Variants in RNF144A observed in about 807,000 individuals in gnomAD.
RNF144A encodes the protein E3 ubiquitin-protein ligase RNF144A.
In RNF144A, 11 loss-of-function variants were observed where a neutral mutation model predicts 38.7. The ratio of observed to expected loss-of-function variants is 0.28; its 90% confidence interval spans 0.18 to 0.47. The LOEUF (loss-of-function observed/expected upper bound fraction) is 0.47, where lower values mean the gene tolerates loss of function less well. Among genes scored for constraint, RNF144A ranks in the 20% least tolerant of loss-of-function variants. RNF144A has a pLI of 0.99. For missense variants in RNF144A, 316 were observed against 377.2 expected, an observed-to-expected ratio of 0.84 and a Z score of 1.34; for synonymous variants, 149 against 143.9, an observed-to-expected ratio of 1.04 and a Z score of -0.25.
chr2:7,040,932 T>C lies in RNF144A; in HGVS notation c.*1172T>C. 1 of 985,488 alleles carries C rather than the reference T, an allele frequency of 1.0e-6. No individual in the cohort carries two copies. The highest frequency in any genetic ancestry group is 1.2e-6 in the Non-Finnish European group (1 of 829,940). 61.0% of individuals were successfully genotyped at this position (985,488 alleles called of 1,614,324 possible). A position where few individuals can be genotyped will look rare whatever the true frequency, so the allele number is the denominator to read the frequency against. On this transcript the variant is annotated 3_prime_UTR_variant, in exon 9 of 9. Transcript: ENST00000320892. ...TTAACGTGGGGATTTTACCACTTGA[T>C]CTTTTACAGGGCTGTCTGTGACCAT...
the RNF144A span, among the ~76,000 whole-genome samples, chr2:7,075,281 T>TC: frequency 0.15 from 21,907 of 144,124 alleles, 1,940 homozygotes; most frequent in East Asian, 0.44. Flanking sequence ...AGCTGGAACA[T>TC]CCCCCCCCCC....
intron 5 of RNF144A, among the ~76,000 whole-genome samples, chr2:7,017,099 C>T (rs933312004): frequency 2.6e-5 from 4 of 152,102 alleles, no homozygotes; most frequent in African/African-American, 9.7e-5. Context: ...CCTCTTGCTG[C>T]GTGGACCCCT....
downstream of RNF144A, among the ~76,000 whole-genome samples, chr2:7,071,951 T>C (rs957399150): frequency 1.3e-5 from 2 of 152,202 alleles, no homozygotes; most frequent in Non-Finnish European, 2.9e-5. Context: ...CAGTGTCTGC[T>C]CCTACTCGAC....
chr2:6,955,791 G>T (rs565078493), intron 2 of RNF144A, among the ~76,000 whole-genome samples: 2 of 152,194 alleles, frequency 1.3e-5, no homozygotes, highest in African/African-American at 4.8e-5. Context: ...CATTTTAATG[G>T]CTGTCTTTTG....
In RNF144A at chr2:6,977,911, C is replaced by T. The variant is rs116680777; in HGVS notation, c.-11-19005C>T. 7.0e-3 allele frequency among the ~76,000 whole-genome samples: 1,069 copies of T among 152,172 alleles called. 14 individuals are homozygous for T. Among genetic ancestry groups the T allele is most frequent in the African/African-American group, 0.025 (1,023 of 41,512 alleles). On this transcript the variant is annotated intron_variant, in intron 2 of 8. Coordinates refer to ENST00000320892, the MANE Select transcript of RNF144A (RefSeq NM_014746.6). Reference sequence around the variant, plus strand: ...TGAAAGCATAGATGGTAGTGAGTGTCGGGGGGAGCTGTTGGGGAGTTTGCC... The same window carrying T: ...TGAAAGCATAGATGGTAGTGAGTGTTGGGGGGAGCTGTTGGGGAGTTTGCC...
chr2:6,952,241 G>C (rs1666732018), intron 2 of RNF144A, among the ~76,000 whole-genome samples: 1 of 151,958 alleles, frequency 6.6e-6, no homozygotes. Flanking sequence ...ATACTTCTAA[G>C]AGAAATCTAG....
chr2:7,014,566 C>A lies in RNF144A; in HGVS notation c.240+8C>A. 6.3e-7 allele frequency: 1 copy of A among 1,586,156 alleles called. No individual in the cohort carries two copies. Among genetic ancestry groups the A allele is most frequent in the Non-Finnish European group, 8.6e-7 (1 of 1,162,598 alleles). On this transcript the variant is annotated splice_region_variant and intron_variant, in intron 4 of 8. Transcript: ENST00000320892. The stretch of plus-strand genomic sequence containing the variant: ...CACCTACAGGAGAACGAGGCATGTG[C>A]AATTGAACAGACTGGGCTGTTTGAT...
chr2:6,942,374 G>A (rs147149187), intron 2 of RNF144A, among the ~76,000 whole-genome samples: 301 of 152,004 alleles, frequency 2.0e-3, no homozygotes, highest in East Asian at 8.9e-3. Flanking sequence ...CTCAGAGGAC[G>A]TTGGAGAGGG....
intron 1 of RNF144A, among the ~76,000 whole-genome samples, chr2:6,935,336 C>T (rs1187471948): frequency 6.6e-6 from 1 of 152,216 alleles, no homozygotes; most frequent in Non-Finnish European, 1.5e-5. Context: ...CAGTAACACC[C>T]AGTTCTTCTA....
chr2:6,965,375 C>T (rs1437252723), intron 2 of RNF144A, among the ~76,000 whole-genome samples: 2 of 152,174 alleles, frequency 1.3e-5, no homozygotes, highest in African/African-American at 4.8e-5. Context: ...CAGGTGGAAG[C>T]TCTTAGGTGA....
At position 7,040,069 on chromosome 2, in the gene RNF144A, G is replaced by A; in HGVS notation, c.*309G>A. The A allele has an allele frequency of 9.2e-7, 1 of 1,092,476 alleles. No individual in the cohort carries two copies. Among genetic ancestry groups the A allele is most frequent in the Non-Finnish European group, 1.1e-6 (1 of 897,390 alleles). 67.7% of individuals were successfully genotyped at this position (1,092,476 alleles called of 1,614,324 possible). On this transcript the variant is annotated 3_prime_UTR_variant, in exon 9 of 9. Transcript: ENST00000320892. The stretch of plus-strand genomic sequence containing the variant: ...TCTCTGTGGTAGACTAGGCATGTCT[G>A]GGGATGGCCTAAGAGACTTTCTGCT...
rs1229242594 is a variant in RNF144A, at chr2:7,040,164, T to C, written c.*404T>C. 1.0e-6 allele frequency: 1 copy of C among 993,958 alleles called. No homozygotes were observed. The highest frequency in any genetic ancestry group is 1.2e-6 in the Non-Finnish European group (1 of 835,910). 61.6% of individuals were successfully genotyped at this position (993,958 alleles called of 1,614,324 possible). Reference sequence around the variant, plus strand: ...GGACTGCCACTCTCTTCAGACAGAATCTGATTATTCCAGCTTGAGAGAAGC... The same window carrying C: ...GGACTGCCACTCTCTTCAGACAGAACCTGATTATTCCAGCTTGAGAGAAGC... On this transcript the variant is annotated 3_prime_UTR_variant, in exon 9 of 9. Transcript: ENST00000320892.
downstream of RNF144A, among the ~76,000 whole-genome samples, chr2:7,070,579 G>A (rs1390835045): frequency 5.3e-5 from 8 of 152,272 alleles, no homozygotes; most frequent in Admixed American, 2.0e-4. Flanking sequence ...AGTGTTTGCA[G>A]ATATAATCAA....
Position 6,948,422 on chromosome 2 carries a change from A to G in RNF144A, c.-12+7275A>G, listed in dbSNP as rs149142936. On this transcript the variant is annotated intron_variant, in intron 2 of 8. Transcript: ENST00000320892. ...TCATTTGTTTATCACTTTCATGTTT[A>G]TAAATGAATTTCCATTTGCATGGTT... Among the ~76,000 whole-genome samples, 338 of 152,372 alleles carry G rather than the reference A, an allele frequency of 2.2e-3. 2 individuals are homozygous for G. Among genetic ancestry groups the G allele is most frequent in the African/African-American group, 7.6e-3 (317 of 41,592 alleles).
intron 8 of RNF144A, 41 bp downstream of exon 8, chr2:7,030,256 A>AGTGTGT (rs749094146): frequency 9.4e-7 from 1 of 1,067,674 alleles, no homozygotes; most frequent in Non-Finnish European, 1.4e-6. Flanking sequence ...TCAGAGAGAG[A>AGTGTGT]CTGTGTGTGT....
chr2:7,067,876 A>G (rs543954944), intron 6 of RNF144A, among the ~76,000 whole-genome samples: 1 of 152,256 alleles, frequency 6.6e-6, no homozygotes, highest in East Asian at 1.9e-4. Flanking sequence ...CAGTATTTTC[A>G]ATATATGACC....
intron 8 of RNF144A, among the ~76,000 whole-genome samples, chr2:7,038,448 G>A (rs968920169): frequency 6.6e-5 from 10 of 152,068 alleles, no homozygotes; most frequent in African/African-American, 2.4e-4. Context: ...TGCCAGACAG[G>A]GTGTTCCTCG....
intron 7 of RNF144A, among the ~76,000 whole-genome samples, chr2:7,026,385 A>G (rs1671895062): frequency 6.6e-6 from 1 of 152,012 alleles, no homozygotes; most frequent in Non-Finnish European, 1.5e-5. Context: ...GGCAAGATGA[A>G]TTTTCTTTAG....
At chr2:6,993,430 A>C (rs1374687670) in intron 2 of RNF144A, among the ~76,000 whole-genome samples, 1 of 152,206 alleles carries the variant, frequency 6.6e-6, no homozygotes, top group African/African-American at 2.4e-5. Flanking sequence ...GGAGGTCACA[A>C]CAGAGAGGCA....
Sources: gnomAD v4.1 joint callset for allele counts (sites outside exome capture counted in the v4.1 genomes callset) on GRCh38, gnomAD v4.1.1 for gene constraint, MANE v1.5 for transcripts, NCBI Gene and HGNC (gene_info 2026-07-23, HGNC 2026-07-21) for gene names.